Variants in PRORP observed in about 807,000 individuals in gnomAD.
The protein encoded by PRORP is mitochondrial ribonuclease P catalytic subunit.
In PRORP, 51 loss-of-function variants were observed where a neutral mutation model predicts 59.4. The ratio of observed to expected loss-of-function variants is 0.86; its 90% confidence interval spans 0.69 to 1.08. The LOEUF is 1.08. Among genes scored for constraint, PRORP ranks in the 50% least tolerant of loss-of-function variants. The pLI is 0.00. For synonymous variants in PRORP, 231 were observed against 245.6 expected (o/e 0.94, Z 0.55); for missense variants, 646 against 690.3 (o/e 0.94, Z 0.72).
intron 5 of PRORP, among the ~76,000 whole-genome samples, chr14:35,193,820 C>A (rs1364972053): frequency 2.0e-5 from 3 of 152,034 alleles, no homozygotes; most frequent in Non-Finnish European, 4.4e-5. Flanking sequence ...ATACTCTTTT[C>A]CATATAATTG....
Position 35,139,601 on chromosome 14 carries a change from G to T in PRORP, c.1167+11990G>T, listed in dbSNP as rs1229583546. On this transcript the variant is annotated intron_variant, in intron 4 of 7. Coordinates refer to ENST00000534898, the MANE Select transcript of PRORP (RefSeq NM_014672.4). ...TTTTATAATTGAGTAGTATTCCATT[G>T]TGTGACTATTTTACAATTTGTACAT... Among the ~76,000 whole-genome samples, 3 of 144,880 alleles carry T rather than the reference G, an allele frequency of 2.1e-5. 1 individual carries two copies. Among genetic ancestry groups the T allele is most frequent in the African/African-American group, 7.3e-5 (3 of 40,858 alleles).
chr14:35,143,705 T>C (rs2047536792), intron 4 of PRORP, among the ~76,000 whole-genome samples: 1 of 145,334 alleles, frequency 6.9e-6, no homozygotes. Context: ...TGGAGTGCAA[T>C]GGCGCGATCT....
chr14:35,167,868 C>T (rs2048223485), intron 4 of PRORP, among the ~76,000 whole-genome samples: 1 of 152,180 alleles, frequency 6.6e-6, no homozygotes, highest in South Asian at 2.1e-4. Context: ...ATAATGCATA[C>T]TCAAAACTTT....
chr14:35,155,049 C>T (rs924704552), intron 4 of PRORP, among the ~76,000 whole-genome samples: 1 of 152,054 alleles, frequency 6.6e-6, no homozygotes, highest in Non-Finnish European at 1.5e-5. Context: ...TGCCTGCCAC[C>T]ACATCAGCTA....
chr14:35,262,173 T>TGTATTATTA lies in PRORP; in HGVS notation c.1276-4554_1276-4553insGTATTATTA, dbSNP rs1555333367. Among the ~76,000 whole-genome samples the TGTATTATTA allele has an allele frequency of 1.1e-3, 168 of 151,758 alleles. 1 individual carries two copies. Among genetic ancestry groups the TGTATTATTA allele is most frequent in the African/African-American group, 3.7e-3 (155 of 41,446 alleles). ...TTTTTGTTTGAATTTTTTTTATAAT[T>TGTATTATTA]TTATTATTATTATTATTATTTAGAG... is the stretch of plus-strand genomic sequence containing the variant. On this transcript the variant is annotated intron_variant, in intron 5 of 7. Coordinates refer to ENST00000534898, the MANE Select transcript of PRORP (RefSeq NM_014672.4).
intron 5 of PRORP, among the ~76,000 whole-genome samples, chr14:35,188,597 C>A (rs955469059): frequency 1.3e-5 from 2 of 151,490 alleles, no homozygotes; most frequent in Admixed American, 6.6e-5. Flanking sequence ...TTGATGATAT[C>A]CTTTGAGGCA....
At position 35,206,570 on chromosome 14, in the gene PRORP, A is replaced by G. The variant is rs574962737; in HGVS notation, c.1275+25793A>G. On this transcript the variant is annotated intron_variant, in intron 5 of 7. Transcript: ENST00000534898. ...GGTTTAAACTTTGTAATTCGAGATGATAGATCATTCCTGTGTTCACTTCTA... is the reference window on the plus strand; with the variant it reads ...GGTTTAAACTTTGTAATTCGAGATGGTAGATCATTCCTGTGTTCACTTCTA... 2.0e-5 allele frequency among the ~76,000 whole-genome samples: 3 copies of G among 152,324 alleles called. No individual in the cohort carries two copies. The South Asian group carries it at 6.2e-4, about 32-fold the overall frequency.
At chr14:35,166,317 CTT>C (rs2048183425) in intron 4 of PRORP, among the ~76,000 whole-genome samples, 2 of 151,942 alleles carry the variant, frequency 1.3e-5, no homozygotes, top group Admixed American at 1.3e-4. Flanking sequence ...CTTTGCATCT[CTT>C]GCTATTCTCT....
chr14:35,205,167 A>T (rs749317485), intron 5 of PRORP, among the ~76,000 whole-genome samples: 46 of 151,870 alleles, frequency 3.0e-4, no homozygotes, highest in Non-Finnish European at 4.7e-4. Context: ...TCTATTTTTT[A>T]AAAAAATATG....
intron 5 of PRORP, chr14:35,222,207 C>T (rs895483819): frequency 1.3e-5 from 2 of 152,112 alleles, no homozygotes; most frequent in Non-Finnish European, 2.9e-5. Context: ...TAAAAGTAAG[C>T]ACCAGAGGCA....
In PRORP at chr14:35,277,558, G is replaced by A. The variant is rs919036522; in HGVS notation, c.*3992G>A. ...GAGGGGAAGCCATAGAAATTAACAG[G>A]ATGAAAATACAAGAGACAGGAACAC... On this transcript the variant is annotated 3_prime_UTR_variant, in exon 8 of 8. Coordinates refer to ENST00000534898, the MANE Select transcript of PRORP (RefSeq NM_014672.4). 6.6e-6 allele frequency: 1 copy of A among 152,122 alleles called. No homozygotes were observed. The highest frequency in any genetic ancestry group is 1.5e-5 in the Non-Finnish European group (1 of 68,016). The allele number at this position is 152,122 out of a possible 1,614,324, so 9.4% of individuals were successfully genotyped here.
rs562089921 is a variant in PRORP at position 35,275,522 on chromosome 14, A to T, written c.*1956A>T. 6.6e-6 allele frequency: 1 copy of T among 152,346 alleles called. No individual in the cohort carries two copies. Among genetic ancestry groups the T allele is most frequent in the African/African-American group, 2.4e-5 (1 of 41,588 alleles). 9.4% of individuals were successfully genotyped at this position (152,346 alleles called of 1,614,324 possible). ...ATTTTCCAAATTTCATAAACTACAT[A>T]CTTAGGAAACTGTGCTTTCAGTGAG... On this transcript the variant is annotated 3_prime_UTR_variant, in exon 8 of 8. Transcript: ENST00000534898.
intron 5 of PRORP, among the ~76,000 whole-genome samples, chr14:35,230,358 T>G (rs2050046301): frequency 6.6e-6 from 1 of 152,196 alleles, no homozygotes; most frequent in Non-Finnish European, 1.5e-5. Flanking sequence ...AACCCATTAC[T>G]GTAAATTCTG....
intron 4 of PRORP, among the ~76,000 whole-genome samples, chr14:35,155,159 C>T (rs1431245988): frequency 1.3e-5 from 2 of 152,148 alleles, no homozygotes; most frequent in Non-Finnish European, 2.9e-5. Context: ...TCCCAAAGTG[C>T]TGGGATTACA....
chr14:35,172,052 AT>A (rs149889091), intron 4 of PRORP, among the ~76,000 whole-genome samples: 41 of 140,720 alleles, frequency 2.9e-4, no homozygotes, highest in African/African-American at 3.4e-4. Flanking sequence ...TTTACTTCTA[AT>A]TTTTTTTTTT....
chr14:35,136,355 C>T (rs1009427097), intron 4 of PRORP, among the ~76,000 whole-genome samples: 13 of 143,930 alleles, frequency 9.0e-5, no homozygotes, highest in African/African-American at 2.6e-4. Flanking sequence ...ATTGAATATC[C>T]GACAACGGGT....
At chr14:35,194,589 G>A (rs1411417946) in intron 5 of PRORP, among the ~76,000 whole-genome samples, 2 of 152,150 alleles carry the variant, frequency 1.3e-5, no homozygotes, top group African/African-American at 4.8e-5. Flanking sequence ...TGTAGATGAC[G>A]GGTTGGTGGG....
intron 5 of PRORP, among the ~76,000 whole-genome samples, chr14:35,259,250 A>G (rs1039732404): frequency 1.3e-5 from 2 of 152,086 alleles, no homozygotes; most frequent in Admixed American, 6.6e-5. Context: ...ATTTTATTTA[A>G]TATTAATATA....
Position 35,241,699 on chromosome 14 carries a change from C to T in PRORP, c.1276-25028C>T, listed in dbSNP as rs781040013. Among the ~76,000 whole-genome samples the T allele has an allele frequency of 4.0e-4, 61 of 152,166 alleles. 1 individual carries two copies. Among genetic ancestry groups the T allele is most frequent in the Non-Finnish European group, 1.8e-4 (12 of 68,034 alleles). ...CTGTGTGCCTTATGCAAGAGTCCTG[C>T]CTACCTCCCAGCCTCGACTCACCTC... On this transcript the variant is annotated intron_variant, in intron 5 of 7. Transcript: ENST00000534898.
Sources: allele counts gnomAD v4.1 joint callset (sites outside exome capture counted in the v4.1 genomes callset), GRCh38; gene constraint gnomAD v4.1.1; transcripts MANE v1.5; gene names NCBI Gene and HGNC (gene_info 2026-07-23, HGNC 2026-07-21).